INSYN2B: variants seen among roughly 807,000 people sequenced by gnomAD.
The protein encoded by INSYN2B is protein INSYN2B.
A neutral mutation model predicts 41.2 loss-of-function variants in INSYN2B; 16 were observed. The observed-to-expected ratio is 0.39, with a 90% CI of 0.26 to 0.59. The LOEUF (loss-of-function observed/expected upper bound fraction) is 0.59, where lower values mean the gene tolerates loss of function less well. INSYN2B is among the 20% of genes least tolerant of loss of function. INSYN2B has a pLI of 0.57. For synonymous variants in INSYN2B, 245 were observed against 244.4 expected (o/e 1.00, Z -0.02); for missense variants, 608 against 646.4 (o/e 0.94, Z 0.64).
chr5:169,884,133 A>G lies in INSYN2B; in HGVS notation c.-235T>C. 2.7e-6 allele frequency: 1 copy of G among 377,202 alleles called. No individual in the cohort carries two copies. The highest frequency in any genetic ancestry group is 4.7e-6 in the Non-Finnish European group (1 of 212,232). The allele number at this position is 377,202 out of a possible 1,614,324, so 23.4% of individuals were successfully genotyped here. A position where few individuals can be genotyped will look rare whatever the true frequency, so the allele number is the denominator to read the frequency against. On this transcript the variant is annotated 5_prime_UTR_variant, in exon 2 of 4. The change abolishes an upstream ATG in the 5' untranslated region. Coordinates refer to ENST00000377365, the MANE Select transcript of INSYN2B (RefSeq NM_001129891.3). ...GTTAAAATATTAATTCATTGTAGTC[A>G]TAATTGCTCCTTGGAAAAACAAATG...
intron 1 of INSYN2B, among the ~76,000 whole-genome samples, chr5:169,904,975 T>A (rs192570610): frequency 7.9e-4 from 120 of 152,214 alleles, no homozygotes; most frequent in African/African-American, 2.9e-3. Context: ...TGTGTGACCT[T>A]GACTAAGCAA....
Position 169,861,676 on chromosome 5 carries a change from A to G in INSYN2B, c.*2597T>C, listed in dbSNP as rs1185381335. On this transcript the variant is annotated 3_prime_UTR_variant, in exon 4 of 4. Transcript: ENST00000377365. ...GCAGTGATTTTCACATGAATAAGTG[A>G]GTATGCAGTTTTGGTATATGTGTGT... 1.3e-5 allele frequency among the ~76,000 whole-genome samples: 2 copies of G among 152,238 alleles called. No individual in the cohort carries two copies. Among genetic ancestry groups the G allele is most frequent in the African/African-American group, 4.8e-5 (2 of 41,462 alleles).
intron 1 of INSYN2B, among the ~76,000 whole-genome samples, chr5:169,915,892 A>G (rs543156473): frequency 2.3e-4 from 35 of 152,230 alleles, no homozygotes; most frequent in African/African-American, 8.4e-4. Flanking sequence ...ATTAAATGGT[A>G]TACATTGGTT....
chr5:169,942,057 G>A (rs1030000103), intron 1 of INSYN2B, among the ~76,000 whole-genome samples: 6 of 152,196 alleles, frequency 3.9e-5, no homozygotes, highest in African/African-American at 7.2e-5. Context: ...AAAACAGTTC[G>A]ACATGAGAAG....
intron 1 of INSYN2B, among the ~76,000 whole-genome samples, chr5:169,897,044 G>A (rs1311245721): frequency 6.6e-6 from 1 of 152,098 alleles, no homozygotes. Context: ...ACCTTCTTTT[G>A]TAGCCTTGAA....
intron 1 of INSYN2B, among the ~76,000 whole-genome samples, chr5:169,962,871 C>G (rs1033675764): frequency 4.6e-5 from 7 of 152,048 alleles, no homozygotes; most frequent in African/African-American, 1.7e-4. Flanking sequence ...TTCTCCTTGC[C>G]CAGAACAGAG....
Position 169,883,931 on chromosome 5 carries a change from C to G in INSYN2B, c.-33G>C. The G allele has an allele frequency of 6.9e-7, 1 of 1,456,316 alleles. No individual in the cohort carries two copies. The highest frequency in any genetic ancestry group is 2.5e-5 in the East Asian group (1 of 40,132). The allele number at this position is 1,456,316 out of a possible 1,614,324, so 90.2% of individuals were successfully genotyped here. On this transcript the variant is annotated 5_prime_UTR_variant, in exon 2 of 4. Coordinates refer to ENST00000377365, the MANE Select transcript of INSYN2B (RefSeq NM_001129891.3). ...CAGTGGGAAGGATCAGGACCATACA[C>G]TTCTCCTAGGCACATCTCCCCTTAG...
chr5:169,873,347 A>G (rs1446953115), intron 3 of INSYN2B, among the ~76,000 whole-genome samples: 2 of 152,216 alleles, frequency 1.3e-5, no homozygotes, highest in African/African-American at 4.8e-5. Flanking sequence ...GCTGTTTCCC[A>G]AAGAGACATT....
intron 1 of INSYN2B, among the ~76,000 whole-genome samples, chr5:169,947,981 G>C (rs1468341467): frequency 6.6e-6 from 1 of 152,098 alleles, no homozygotes; most frequent in Non-Finnish European, 1.5e-5. Flanking sequence ...CCAGAAGCAG[G>C]GTCAGGATTT....
At chr5:169,878,508 G>A (rs2113488979) in intron 3 of INSYN2B, among the ~76,000 whole-genome samples, 1 of 152,276 alleles carries the variant, frequency 6.6e-6, no homozygotes, top group South Asian at 2.1e-4. Flanking sequence ...GATAACTATT[G>A]CTTGCTCAGG....
chr5:169,960,154 C>T (rs1378888477), intron 1 of INSYN2B, among the ~76,000 whole-genome samples: 2 of 152,128 alleles, frequency 1.3e-5, no homozygotes, highest in South Asian at 2.1e-4. Context: ...TCTCTGAGTT[C>T]TTTTATAAGT....
At chr5:169,934,938 AAGTG>A (rs1249575841) in intron 1 of INSYN2B, 7 of 328,092 alleles carry the variant, frequency 2.1e-5, no homozygotes, top group African/African-American at 1.5e-4. Context: ...GTAGTATAGA[AAGTG>A]ATTGTGCTAT....
At chr5:169,935,239 G>GGAAC (rs1414443941) in intron 1 of INSYN2B, among the ~76,000 whole-genome samples, 2 of 152,192 alleles carry the variant, frequency 1.3e-5, no homozygotes, top group African/African-American at 4.8e-5. Context: ...ACTGTTTGCT[G>GGAAC]TGAGTCACTG....
intron 3 of INSYN2B, among the ~76,000 whole-genome samples, chr5:169,877,685 A>G (rs1772408794): frequency 6.6e-6 from 1 of 152,226 alleles, no homozygotes; most frequent in African/African-American, 2.4e-5. Context: ...ATTGATATAG[A>G]TATCAGATAA....
chr5:169,870,942 G>A (rs980846222), intron 3 of INSYN2B, among the ~76,000 whole-genome samples: 4 of 152,176 alleles, frequency 2.6e-5, no homozygotes, highest in Admixed American at 6.5e-5. Flanking sequence ...AGTTCTGGAG[G>A]TGGGAAGTTG....
At chr5:169,965,052 G>A (rs1007766210) in intron 1 of INSYN2B, among the ~76,000 whole-genome samples, 3 of 152,192 alleles carry the variant, frequency 2.0e-5, no homozygotes, top group Non-Finnish European at 4.4e-5. Flanking sequence ...ATCTGTTGAA[G>A]CCCTACTGTG....
At chr5:169,941,374 A>ATTT (rs1776240127) in intron 1 of INSYN2B, among the ~76,000 whole-genome samples, 2 of 151,924 alleles carry the variant, frequency 1.3e-5, no homozygotes, top group Admixed American at 6.6e-5. Context: ...GGCCCAGCTA[A>ATTT]TTTTGTATTT....
intron 1 of INSYN2B, among the ~76,000 whole-genome samples, chr5:169,942,087 T>C (rs761754496): frequency 6.6e-6 from 1 of 152,224 alleles, no homozygotes; most frequent in Non-Finnish European, 1.5e-5. Context: ...CTGTCTCTAA[T>C]TTCTTTTTTC....
At chr5:169,941,529 T>A (rs1776246777) in intron 1 of INSYN2B, among the ~76,000 whole-genome samples, 2 of 152,144 alleles carry the variant, frequency 1.3e-5, no homozygotes, top group African/African-American at 4.8e-5. Context: ...GGAAGGCCTG[T>A]GGGCTAGAAA....
Sources: gnomAD v4.1 joint callset for allele counts (sites outside exome capture counted in the v4.1 genomes callset) on GRCh38, gnomAD v4.1.1 for gene constraint, MANE v1.5 for transcripts, NCBI Gene and HGNC (gene_info 2026-07-23, HGNC 2026-07-21) for gene names.